The following CTNNA3 variants were observed in gnomAD, a reference collection of about 807,000 sequenced individuals.
CTNNA3 encodes catenin alpha 3.
A neutral mutation model predicts 95.7 loss-of-function variants in CTNNA3; 76 were observed. That is an observed-to-expected ratio of 0.79 (90% confidence interval 0.66 to 0.96). The LOEUF (loss-of-function observed/expected upper bound fraction) is 0.96, where lower values mean the gene tolerates loss of function less well. Among genes scored for constraint, CTNNA3 ranks in the 40% least tolerant of loss-of-function variants. The pLI is 0.00. For synonymous variants in CTNNA3, 431 were observed against 374.4 expected (o/e 1.15, Z -1.74); for missense variants, 1,191 against 1,089.8 (o/e 1.09, Z -1.31).
chr10:66,468,999 T>TA (rs1839031476), intron 11 of CTNNA3, among the ~76,000 whole-genome samples: 1 of 151,690 alleles, frequency 6.6e-6, no homozygotes, highest in African/African-American at 2.4e-5. Flanking sequence ...AATAAAACAG[T>TA]AAAAAAGAAA....
intron 5 of CTNNA3, among the ~76,000 whole-genome samples, chr10:67,251,741 G>T (rs10762157): frequency 0.22 from 33,236 of 152,018 alleles, 6,553 homozygotes; most frequent in African/African-American, 0.53. Flanking sequence ...ATAAATTACA[G>T]ATAGAGCCCC....
intron 7 of CTNNA3, among the ~76,000 whole-genome samples, chr10:67,148,452 G>A (rs759707607): frequency 3.3e-4 from 51 of 152,248 alleles, no homozygotes; most frequent in South Asian, 6.2e-4. Context: ...ACATAAATTA[G>A]AACAGATGGA....
At chr10:67,143,574 C>A (rs1860697226) in intron 7 of CTNNA3, among the ~76,000 whole-genome samples, 1 of 151,958 alleles carries the variant, frequency 6.6e-6, no homozygotes. Context: ...ATTCTAAATC[C>A]TTTGTTGTCA....
At chr10:67,393,532 A>G (rs1003096924) in intron 5 of CTNNA3, among the ~76,000 whole-genome samples, 1 of 152,036 alleles carries the variant, frequency 6.6e-6, no homozygotes, top group Non-Finnish European at 1.5e-5. Flanking sequence ...AAAAGGAGGG[A>G]AAAAAAATTA....
chr10:66,565,399 G>A (rs78769394), intron 10 of CTNNA3, among the ~76,000 whole-genome samples: 7,218 of 152,266 alleles, frequency 0.047, 220 homozygotes, highest in African/African-American at 0.066. Context: ...TGTGGGAACT[G>A]AGAGATGAGG....
chr10:67,020,016 A>T lies in CTNNA3; in HGVS notation c.1047+160301T>A, dbSNP rs1239978414. Among the ~76,000 whole-genome samples, 36 of 2,424 alleles carry T rather than the reference A, an allele frequency of 0.015. No homozygotes were observed. The Admixed American group carries it at 0.38, about 25-fold the overall frequency. The allele number at this position is 2,424 out of a possible 152,430, so 1.6% of individuals were successfully genotyped here. On this transcript the variant is annotated intron_variant, in intron 7 of 17. Coordinates refer to ENST00000433211, the MANE Select transcript of CTNNA3 (RefSeq NM_013266.4). ...ACATAATTGTGTTAATACCAATATC[A>T]ACTGCTTTCCCTCACTGTGTCAAGA... is the stretch of plus-strand genomic sequence containing the variant.
At chr10:67,550,466 C>A (rs1283536573) in intron 3 of CTNNA3, among the ~76,000 whole-genome samples, 1 of 151,438 alleles carries the variant, frequency 6.6e-6, no homozygotes, top group East Asian at 1.9e-4. Context: ...GTATCAATAT[C>A]CTTATTATGC....
At chr10:67,118,314 T>G (rs1407665149) in intron 7 of CTNNA3, among the ~76,000 whole-genome samples, 1 of 151,990 alleles carries the variant, frequency 6.6e-6, no homozygotes, top group African/African-American at 2.4e-5. Context: ...CTGGTGATTT[T>G]CTAAGTAGTT....
intron 12 of CTNNA3, among the ~76,000 whole-genome samples, chr10:66,331,939 G>A (rs1269780782): frequency 3.3e-5 from 5 of 151,974 alleles, no homozygotes; most frequent in South Asian, 2.1e-4. Context: ...CATGAGCATG[G>A]AATGTTCTTC....
At chr10:67,100,574 A>T (rs956568527) in intron 7 of CTNNA3, among the ~76,000 whole-genome samples, 5 of 151,516 alleles carry the variant, frequency 3.3e-5, no homozygotes, top group African/African-American at 4.8e-5. Flanking sequence ...TCTAACCCCC[A>T]TTCCTATGTC....
chr10:66,919,369 T>C (rs973783522), intron 7 of CTNNA3, among the ~76,000 whole-genome samples: 1 of 152,174 alleles, frequency 6.6e-6, no homozygotes, highest in Non-Finnish European at 1.5e-5. Flanking sequence ...AGTCATATAG[T>C]CTTTTCAGCC....
chr10:66,315,408 T>A (rs920025181), intron 12 of CTNNA3, among the ~76,000 whole-genome samples: 3 of 151,984 alleles, frequency 2.0e-5, no homozygotes, highest in African/African-American at 7.2e-5. Context: ...ACCCATTTTA[T>A]GAACAATGAA....
intron 7 of CTNNA3, among the ~76,000 whole-genome samples, chr10:66,875,751 C>G (rs369552530): frequency 2.8e-4 from 42 of 152,134 alleles, no homozygotes; most frequent in East Asian, 1.7e-3. Context: ...TATGGCATGA[C>G]AATCCGATTC....
At chr10:67,574,742 G>C (rs913532566) in intron 3 of CTNNA3, among the ~76,000 whole-genome samples, 1 of 151,760 alleles carries the variant, frequency 6.6e-6, no homozygotes, top group Non-Finnish European at 1.5e-5. Flanking sequence ...CGCCATGCCC[G>C]GCCAATTTTT....
intron 2 of CTNNA3, among the ~76,000 whole-genome samples, chr10:67,626,032 A>T (rs1029566102): frequency 2.0e-5 from 3 of 152,116 alleles, no homozygotes; most frequent in African/African-American, 7.2e-5. Flanking sequence ...AATTTAAAAA[A>T]TTAGCCAGGT....
chr10:67,685,212 G>C (rs932962909), intron 1 of CTNNA3, among the ~76,000 whole-genome samples: 1 of 152,208 alleles, frequency 6.6e-6, no homozygotes, highest in African/African-American at 2.4e-5. Context: ...TGAAAACCTT[G>C]TAAGTTTGGG....
intron 3 of CTNNA3, among the ~76,000 whole-genome samples, chr10:67,576,971 G>T (rs1235189106): frequency 1.4e-5 from 2 of 143,558 alleles, no homozygotes; most frequent in Non-Finnish European, 3.0e-5. Context: ...CATTTGGGTT[G>T]GTTCCAAGTC....
chr10:65,943,446 T>TGGAA (rs1224548465), intron 17 of CTNNA3, among the ~76,000 whole-genome samples: 1 of 152,228 alleles, frequency 6.6e-6, no homozygotes, highest in Non-Finnish European at 1.5e-5. Flanking sequence ...GCTAGGATTC[T>TGGAA]CTAAAAGAAG....
At chr10:67,204,743 G>C (rs1189375939) in intron 6 of CTNNA3, among the ~76,000 whole-genome samples, 1 of 152,124 alleles carries the variant, frequency 6.6e-6, no homozygotes. Flanking sequence ...GATTTTAATA[G>C]ACACAAGGTC....
Sources: gnomAD v4.1 joint callset for allele counts (sites outside exome capture counted in the v4.1 genomes callset) on GRCh38, gnomAD v4.1.1 for gene constraint, MANE v1.5 for transcripts, NCBI Gene and HGNC (gene_info 2026-07-23, HGNC 2026-07-21) for gene names.